PTPRN2: variants seen among roughly 807,000 people sequenced by gnomAD.
PTPRN2 encodes the protein protein tyrosine phosphatase receptor type N2.
Under a neutral mutation model 118.8 loss-of-function variants are expected in PTPRN2, and 74 were observed. That is an observed-to-expected ratio of 0.62 (90% CI 0.52 to 0.76). The LOEUF (loss-of-function observed/expected upper bound fraction) is 0.76. Among genes scored for constraint, PTPRN2 ranks in the 30% least tolerant of loss-of-function variants. PTPRN2 has a pLI of 0.00. For synonymous variants in PTPRN2, 641 were observed against 608.0 expected (o/e 1.05, Z -0.80); for missense variants, 1,481 against 1,394.4 (o/e 1.06, Z -0.99).
At chr7:158,188,187 G>GCCACACCCACCCCCTGT (rs1194648845) in intron 5 of PTPRN2, among the ~76,000 whole-genome samples, 1 of 64,006 alleles carries the variant, frequency 1.6e-5, no homozygotes, top group Non-Finnish European at 3.8e-5. Context: ...CTCGCCCCGC[G>GCCACACCCACCCCCTGT]ATGGGGAAGG....
At chr7:158,407,277 GGTCCTGGGTCCTGGGTCCTGC>G (rs1813615455) in intron 2 of PTPRN2, among the ~76,000 whole-genome samples, 6 of 39,872 alleles carry the variant, frequency 1.5e-4, no homozygotes, top group African/African-American at 3.9e-4. Context: ...CTGGGTCCTG[GGTCCTGGGTCCTGGGTCCTGC>G]GTCCTGGGTC....
intron 6 of PTPRN2, among the ~76,000 whole-genome samples, chr7:158,146,735 AG>A (rs1279718246): frequency 1.3e-5 from 2 of 151,256 alleles, no homozygotes; most frequent in South Asian, 4.2e-4. Context: ...AAAAAAAAAA[AG>A]AAAGAAAAAA....
intron 3 of PTPRN2, among the ~76,000 whole-genome samples, chr7:158,299,955 C>T (rs571998000): frequency 8.5e-5 from 13 of 152,280 alleles, no homozygotes; most frequent in Admixed American, 5.2e-4. Context: ...AGGCCTTTTC[C>T]GGTTAACACC....
intron 11 of PTPRN2, chr7:158,027,239 A>C (rs1037618927): frequency 6.6e-6 from 1 of 152,232 alleles, no homozygotes; most frequent in Non-Finnish European, 1.5e-5. Context: ...AGTGGCAGGA[A>C]GTCAAATGGA....
chr7:157,932,884 A>C (rs1033214751), intron 11 of PTPRN2, among the ~76,000 whole-genome samples: 6 of 131,642 alleles, frequency 4.6e-5, no homozygotes, highest in African/African-American at 1.8e-4. Context: ...GGAGGGGTGA[A>C]TCACTCCGAT....
At chr7:158,164,223 G>C (rs536008357) in intron 6 of PTPRN2, among the ~76,000 whole-genome samples, 4 of 152,162 alleles carry the variant, frequency 2.6e-5, no homozygotes, top group Non-Finnish European at 5.9e-5. Context: ...ACAGGAGCGC[G>C]CAGGAAGGGC....
chr7:157,580,362 T>C (rs964584248), intron 17 of PTPRN2, among the ~76,000 whole-genome samples: 1 of 152,092 alleles, frequency 6.6e-6, no homozygotes, highest in Non-Finnish European at 1.5e-5. Context: ...AAATGACCAT[T>C]ACTGGCACTT....
intron 2 of PTPRN2, among the ~76,000 whole-genome samples, chr7:158,324,887 C>G (rs1479518744): frequency 2.0e-5 from 3 of 152,186 alleles, no homozygotes; most frequent in African/African-American, 7.2e-5. Flanking sequence ...GTGATACGCC[C>G]AGGCCTGCAC....
intron 2 of PTPRN2, among the ~76,000 whole-genome samples, chr7:158,473,612 G>A (rs753610090): frequency 5.3e-5 from 8 of 152,130 alleles, no homozygotes; most frequent in African/African-American, 1.2e-4. Context: ...CGGGTGCTTC[G>A]TAAACTGCAA....
At chr7:158,293,468 C>T (rs191416572) in intron 3 of PTPRN2, among the ~76,000 whole-genome samples, 18 of 150,936 alleles carry the variant, frequency 1.2e-4, no homozygotes, top group African/African-American at 1.9e-4. Context: ...CCCAGGTACT[C>T]GGGAGGCTGA....
chr7:157,958,154 A>T (rs1158271161), intron 11 of PTPRN2, among the ~76,000 whole-genome samples: 1 of 152,238 alleles, frequency 6.6e-6, no homozygotes, highest in Non-Finnish European at 1.5e-5. Context: ...GACCCATATC[A>T]TCATCTCAAC....
Position 158,191,903 on chromosome 7 carries a change from G to A in PTPRN2, c.549+424C>T, listed in dbSNP as rs186195303. Reference sequence around the variant, plus strand: ...GGAGCTTTCCTTGGATGCAGTAGTTGCACCTGGTGCCCCCTAATTCCAGCC... The same window carrying A: ...GGAGCTTTCCTTGGATGCAGTAGTTACACCTGGTGCCCCCTAATTCCAGCC... On this transcript the variant is annotated intron_variant, in intron 5 of 22. Transcript: ENST00000389418. 7.6e-3 allele frequency among the ~76,000 whole-genome samples: 1,156 copies of A among 152,210 alleles called. 7 individuals are homozygous for A. The highest frequency in any genetic ancestry group is 0.013 in the Non-Finnish European group (871 of 68,010).
chr7:158,312,464 G>T (rs759633023), intron 3 of PTPRN2, among the ~76,000 whole-genome samples: 1 of 139,868 alleles, frequency 7.1e-6, no homozygotes, highest in Non-Finnish European at 1.6e-5. Context: ...ACATGCTCAC[G>T]TGGATACCCA....
intron 1 of PTPRN2, among the ~76,000 whole-genome samples, chr7:158,571,718 CCT>C (rs1469154189): frequency 2.0e-5 from 3 of 151,522 alleles, no homozygotes; most frequent in East Asian, 1.9e-4. Flanking sequence ...TTACTTCTCC[CCT>C]GATTCTTCAA....
At chr7:157,876,754 C>T (rs1795789961) in intron 12 of PTPRN2, among the ~76,000 whole-genome samples, 1 of 152,154 alleles carries the variant, frequency 6.6e-6, no homozygotes, top group African/African-American at 2.4e-5. Flanking sequence ...CCCTGCACCC[C>T]AGGGCGGAGA....
At chr7:157,796,891 C>A (rs958531281) in intron 12 of PTPRN2, among the ~76,000 whole-genome samples, 4 of 152,146 alleles carry the variant, frequency 2.6e-5, no homozygotes, top group African/African-American at 4.8e-5. Context: ...CCAGTCACCA[C>A]CCCCCAGGCC....
At chr7:157,997,252 C>A (rs1585168575) in intron 11 of PTPRN2, among the ~76,000 whole-genome samples, 1 of 152,248 alleles carries the variant, frequency 6.6e-6, no homozygotes, top group Non-Finnish European at 1.5e-5. Context: ...AGCAACTGCG[C>A]CCCTGGGCCC....
At chr7:157,692,511 C>T (rs1188095517) in intron 12 of PTPRN2, among the ~76,000 whole-genome samples, 2 of 152,238 alleles carry the variant, frequency 1.3e-5, no homozygotes. Context: ...CGCTGCAGGC[C>T]CCTGTCTAAA....
At chr7:158,331,026 C>A in intron 2 of PTPRN2, among the ~76,000 whole-genome samples, 1 of 137,590 alleles carries the variant, frequency 7.3e-6, no homozygotes, top group Non-Finnish European at 1.6e-5. Flanking sequence ...CACATCCACA[C>A]TCTCACCATA....
Sources: allele counts gnomAD v4.1 joint callset (sites outside exome capture counted in the v4.1 genomes callset), GRCh38; gene constraint gnomAD v4.1.1; transcripts MANE v1.5; gene names NCBI Gene and HGNC (gene_info 2026-07-23, HGNC 2026-07-21).